ZNF587: variants seen among roughly 807,000 people sequenced by gnomAD.
The protein encoded by ZNF587 is zinc finger protein zfp6.
In ZNF587, 8 loss-of-function variants were observed where a neutral mutation model predicts 7.5. The observed-to-expected ratio is 1.06, with a 90% CI of 0.62 to 1.92. The LOEUF is 1.92. ZNF587 is among the 40% of genes most tolerant of loss of function. The pLI, the probability that ZNF587 is intolerant of heterozygous loss-of-function variation, is 0.00. For synonymous variants in ZNF587, 145 were observed against 237.8 expected (o/e 0.61, Z 3.59); for missense variants, 468 against 692.8 (o/e 0.68, Z 3.64).
rs2071466593 is a variant in ZNF587, at chr19:57,863,674, CCGTTTAGTGTAACA to C, written c.*3535_*3548del. On this transcript the variant is annotated 3_prime_UTR_variant, in exon 3 of 3. Transcript: ENST00000339656. ...GATACAAGAGTTAAGACTTCCTGTC[CCGTTTAGTGTAACA>C]AAAGAAAGTTAAGAAATGTGGATAA... 2.0e-5 allele frequency: 3 copies of C among 152,130 alleles called. No individual in the cohort carries two copies. In the South Asian group the frequency reaches 6.2e-4, roughly 32 times the overall value. The allele number at this position is 152,130 out of a possible 1,614,324, so 9.4% of individuals were successfully genotyped here.
intron 1 of ZNF587, chr19:57,854,074 C>A (rs754978049): frequency 2.6e-5 from 4 of 152,192 alleles, no homozygotes; most frequent in Non-Finnish European, 2.9e-5. Flanking sequence ...TTATCACTGT[C>A]TGGACTCATA....
intron 1 of ZNF587, among the ~76,000 whole-genome samples, chr19:57,854,759 C>T (rs2071329663): frequency 6.6e-6 from 1 of 151,886 alleles, no homozygotes. Context: ...TATTTGTAGG[C>T]GCTGGGTGTG....
In ZNF587 at chr19:57,865,091, T is replaced by C. The variant is rs2071491938; in HGVS notation, c.*4951T>C. The C allele has an allele frequency of 6.6e-6, 1 of 152,218 alleles. No homozygotes were observed. The highest frequency in any genetic ancestry group is 1.5e-5 in the Non-Finnish European group (1 of 68,040). The allele number at this position is 152,218 out of a possible 1,614,324, so 9.4% of individuals were successfully genotyped here. On this transcript the variant is annotated 3_prime_UTR_variant, in exon 3 of 3. Coordinates refer to ENST00000339656, the MANE Select transcript of ZNF587 (RefSeq NM_032828.4). ...TCTTCCTGCTTGTATGTGAATTAAATATATGTCAAACTTTTTTTGTACAAA... is the reference window on the plus strand; with the variant it reads ...TCTTCCTGCTTGTATGTGAATTAAACATATGTCAAACTTTTTTTGTACAAA...
rs374369136 is a variant in ZNF587 at position 57,861,380 on chromosome 19, G to C, written c.*1240G>C. ...AAGTCTCGCTCTGTCTCCCAGGCTA[G>C]AGTACCGTGGCACAATCTCAGCTCA... On this transcript the variant is annotated 3_prime_UTR_variant, in exon 3 of 3. Transcript: ENST00000339656. 7 of 152,234 alleles carry C rather than the reference G, an allele frequency of 4.6e-5. No homozygotes were observed. The East Asian group carries it at 9.7e-4, about 21-fold the overall frequency. The allele number at this position is 152,234 out of a possible 1,614,324, so 9.4% of individuals were successfully genotyped here.
Position 57,856,101 on chromosome 19 carries a change from T to C in ZNF587, c.34-3T>C. ...CTTGTGGTTTCATCTGTCACTATCA[T>C]AGCAGGGCACTGTGACCTTTGAAGA... On this transcript the variant is annotated splice_polypyrimidine_tract_variant and splice_region_variant and intron_variant, in intron 1 of 2. Transcript: ENST00000339656. 1 of 1,612,612 alleles carries C rather than the reference T, an allele frequency of 6.2e-7. No individual in the cohort carries two copies. Among genetic ancestry groups the C allele is most frequent in the Non-Finnish European group, 8.5e-7 (1 of 1,179,550 alleles).
chr19:57,860,194 G>A lies in ZNF587; in HGVS notation c.*54G>A, dbSNP rs766598103. On this transcript the variant is annotated 3_prime_UTR_variant, in exon 3 of 3. Coordinates refer to ENST00000339656, the MANE Select transcript of ZNF587 (RefSeq NM_032828.4). ...GAAGCATCCCGTCTCGTTAAACACA[G>A]GAGAGTTCATACTGGAGAAAGGCCT... is the stretch of plus-strand genomic sequence containing the variant. 99 of 1,613,106 alleles carry A rather than the reference G, an allele frequency of 6.1e-5. 1 individual carries two copies. Among genetic ancestry groups the A allele is most frequent in the Non-Finnish European group, 8.1e-5 (95 of 1,179,440 alleles).
rs2071270010 is a variant in ZNF587 at position 57,850,645 on chromosome 19, A to C, written c.33+574A>C. ...AGCAGATACCCCGAGTCCTGCGGAGACAAAGGAGTTAGAAAGAGACAGAAT... is the reference window on the plus strand; with the variant it reads ...AGCAGATACCCCGAGTCCTGCGGAGCCAAAGGAGTTAGAAAGAGACAGAAT... On this transcript the variant is annotated intron_variant, in intron 1 of 2. Coordinates refer to ENST00000339656, the MANE Select transcript of ZNF587 (RefSeq NM_032828.4). 5 of 399,450 alleles carry C rather than the reference A, an allele frequency of 1.3e-5. No homozygotes were observed. In the East Asian group the frequency reaches 1.8e-4, roughly 14 times the overall value. The allele number at this position is 399,450 out of a possible 1,614,324, so 24.7% of individuals were successfully genotyped here.
chr19:57,861,815 T>C lies in ZNF587; in HGVS notation c.*1675T>C, dbSNP rs1175232465. 1 of 147,224 alleles carries C rather than the reference T, an allele frequency of 6.8e-6. No homozygotes were observed. The highest frequency in any genetic ancestry group is 2.6e-5 in the African/African-American group (1 of 39,070). 9.1% of individuals were successfully genotyped at this position (147,224 alleles called of 1,614,324 possible). A position where few individuals can be genotyped will look rare whatever the true frequency, so the allele number is the denominator to read the frequency against. On this transcript the variant is annotated 3_prime_UTR_variant, in exon 3 of 3. Coordinates refer to ENST00000339656, the MANE Select transcript of ZNF587 (RefSeq NM_032828.4). Reference sequence around the variant, plus strand: ...CCAGATGGAGTCTAGCTCTGTCTCCTAAGCTACAGTGAAGTGGCATGATCT... The same window carrying C: ...CCAGATGGAGTCTAGCTCTGTCTCCCAAGCTACAGTGAAGTGGCATGATCT...
At chr19:57,851,500 T>A (rs530054155) in intron 1 of ZNF587, 1 of 152,764 alleles carries the variant, frequency 6.5e-6, no homozygotes, top group East Asian at 1.9e-4. Context: ...CAGTTATAAT[T>A]TTGCAAAGTC....
At chr19:57,855,881 T>G in intron 1 of ZNF587, 1 of 711,242 alleles carries the variant, frequency 1.4e-6, no homozygotes, top group Non-Finnish European at 2.2e-6. Flanking sequence ...TGGACCTTTT[T>G]ATGTCAGGAC....
chr19:57,850,771 G>A (rs1037146098), intron 1 of ZNF587: 16 of 391,848 alleles, frequency 4.1e-5, no homozygotes, highest in African/African-American at 3.3e-4. Flanking sequence ...CAAGCTCTTT[G>A]TTCTTATGGC....
Position 57,859,367 on chromosome 19 carries a change from A to G in ZNF587, c.955A>G (p.Thr319Ala), listed in dbSNP as rs757185274. The change falls in exon 3 of 3, where the codon ACT becomes GCT. Residue 319 changes from threonine (T) to alanine (A), a missense_variant. Coordinates refer to ENST00000339656, the MANE Select transcript of ZNF587 (RefSeq NM_032828.4). ...CCTTATTAGCCATCAGCTTGTTCACACTGGAGAAGGGCCTTATGAGTGTAG... is the reference window on the plus strand; with the variant it reads ...CCTTATTAGCCATCAGCTTGTTCACGCTGGAGAAGGGCCTTATGAGTGTAG... ...GSLISHQLVHTGEGPYECREC... is the reference protein window; with the variant it reads ...GSLISHQLVHAGEGPYECREC... The G allele has an allele frequency of 6.2e-7, 1 of 1,611,266 alleles. No homozygotes were observed. Among genetic ancestry groups the G allele is most frequent in the Non-Finnish European group, 8.5e-7 (1 of 1,179,776 alleles).
Position 57,856,285 on chromosome 19 carries a change from T to G in ZNF587, c.163+52T>G, listed in dbSNP as rs771709714. ...ACCTGAGCTAGTGTTACTGTTCCCC[T>G]GTTTTTCATTGACAGGACTGTCTTT... On this transcript the variant is annotated intron_variant, in intron 2 of 2. Transcript: ENST00000339656. 3.9e-6 allele frequency: 6 copies of G among 1,529,292 alleles called. No homozygotes were observed. The South Asian group carries it at 7.8e-5, about 20-fold the overall frequency. 94.7% of individuals were successfully genotyped at this position (1,529,292 alleles called of 1,614,324 possible). A position where few individuals can be genotyped will look rare whatever the true frequency, so the allele number is the denominator to read the frequency against.
intron 1 of ZNF587, chr19:57,850,484 G>C (rs1177650972): frequency 2.0e-6 from 1 of 496,228 alleles, no homozygotes; most frequent in African/African-American, 2.0e-5. Flanking sequence ...GCTGTTTTCT[G>C]TTCTGGGTGG....
At position 57,850,032 on chromosome 19, in the gene ZNF587, T is replaced by A. The variant is rs190896843; in HGVS notation, c.-7T>A. 1,006 of 1,614,230 alleles carry A rather than the reference T, an allele frequency of 6.2e-4. 6 individuals are homozygous for A. In the African/African-American group the frequency reaches 1.0e-2, roughly 16 times the overall value. On this transcript the variant is annotated 5_prime_UTR_variant, in exon 1 of 3. Transcript: ENST00000339656. ...TGCTCCCGGGCCGTGCTTCCCCAAGTAGTCCGATGGCAGCGGCTGTGCCGA... is the reference window on the plus strand; with the variant it reads ...TGCTCCCGGGCCGTGCTTCCCCAAGAAGTCCGATGGCAGCGGCTGTGCCGA...
chr19:57,858,591 C>G lies in ZNF587; in HGVS notation c.179C>G (p.Ser60Ter). The change falls in exon 3 of 3, where the codon TCA becomes TGA. Residue 60 changes from serine (S) to a stop codon, truncating the protein, a stop_gained. Transcript: ENST00000339656. LOFTEE classifies it low-confidence loss of function (END_TRUNC). Reference sequence around the variant, plus strand: ...TTGCTTTCAGGTTGTTGGTGTGGATCAAAAGATGAGGAGGCACCTTGTAAG... The same window carrying G: ...TTGCTTTCAGGTTGTTGGTGTGGATGAAAAGATGAGGAGGCACCTTGTAAG... ...LISSLGCWCGSKDEEAPCKQR... is the reference protein window; with the variant it reads ...LISSLGCWCG The G allele has an allele frequency of 6.3e-7, 1 of 1,598,162 alleles. No individual in the cohort carries two copies. The highest frequency in any genetic ancestry group is 8.5e-7 in the Non-Finnish European group (1 of 1,171,422).
In ZNF587 at chr19:57,859,164, G is replaced by C. The variant is rs1336989542; in HGVS notation, c.752G>C (p.Arg251Thr). Residue 251 changes from arginine (R) to threonine (T), a missense_variant, in exon 3 of 3, where the codon AGA becomes ACA. Coordinates refer to ENST00000339656, the MANE Select transcript of ZNF587 (RefSeq NM_032828.4). ...VCSDCGKSFS[R>T]YVSFSNHQRD... ...AGTGATTGTGGAAAATCCTTTAGCA[G>C]ATATGTCAGCTTCAGTAATCATCAG... 1.9e-6 allele frequency: 3 copies of C among 1,609,452 alleles called. No homozygotes were observed. In the African/African-American group the frequency reaches 4.1e-5, roughly 22 times the overall value.
chr19:57,857,540 C>G (rs148042510), intron 2 of ZNF587, among the ~76,000 whole-genome samples: 117 of 151,858 alleles, frequency 7.7e-4, no homozygotes, highest in African/African-American at 2.8e-3. Flanking sequence ...ACCACCCCTG[C>G]TGTGTTGTAC....
rs2071490191 is a variant in ZNF587 at position 57,864,984 on chromosome 19, G to A, written c.*4844G>A. 1 of 152,104 alleles carries A rather than the reference G, an allele frequency of 6.6e-6. No individual in the cohort carries two copies. The highest frequency in any genetic ancestry group is 1.5e-5 in the Non-Finnish European group (1 of 68,024). The allele number at this position is 152,104 out of a possible 1,614,324, so 9.4% of individuals were successfully genotyped here. On this transcript the variant is annotated 3_prime_UTR_variant, in exon 3 of 3. Coordinates refer to ENST00000339656, the MANE Select transcript of ZNF587 (RefSeq NM_032828.4). ...TAAACTACAGTTTATATAAGCAAAA[G>A]TTTCAGTACTAAGCAATTTTAGTCT...
Sources: allele counts gnomAD v4.1 joint callset (sites outside exome capture counted in the v4.1 genomes callset), GRCh38; gene constraint gnomAD v4.1.1; transcripts MANE v1.5; gene names NCBI Gene and HGNC (gene_info 2026-07-23, HGNC 2026-07-21).